Variants in PRKCE observed in about 807,000 individuals in gnomAD.
The protein encoded by PRKCE is protein kinase C epsilon.
In PRKCE, 16 loss-of-function variants were observed where a neutral mutation model predicts 85.4. The observed-to-expected ratio is 0.19, with a 90% CI of 0.13 to 0.28. PRKCE has a LOEUF of 0.28. Among genes scored for constraint, PRKCE ranks in the 10% least tolerant of loss-of-function variants. The pLI, the probability that PRKCE is intolerant of heterozygous loss-of-function variation, is 1.00. For missense variants in PRKCE, 573 were observed against 975.2 expected (o/e 0.59, Z 5.49); for synonymous variants, 388 against 371.5 (o/e 1.04, Z -0.51).
intron 1 of PRKCE, among the ~76,000 whole-genome samples, chr2:45,662,880 C>CAAGG (rs1491584542): frequency 1.4e-5 from 2 of 147,400 alleles, no homozygotes; most frequent in Non-Finnish European, 2.9e-5. Context: ...AGCAAGCAAG[C>CAAGG]AAGCAAGCAA....
chr2:46,048,626 CA>C (rs1708669976), intron 10 of PRKCE, among the ~76,000 whole-genome samples: 1 of 152,178 alleles, frequency 6.6e-6, no homozygotes. Flanking sequence ...GGCCTTTCTC[CA>C]GGGGGAGACG....
intron 11 of PRKCE, among the ~76,000 whole-genome samples, chr2:46,102,642 G>A (rs1055215199): frequency 1.3e-5 from 2 of 152,118 alleles, no homozygotes; most frequent in Middle Eastern, 6.8e-3. Context: ...GCTCTTCTTG[G>A]CTGTGACATT....
At chr2:45,865,266 A>G (rs1388671063) in intron 2 of PRKCE, among the ~76,000 whole-genome samples, 5 of 152,152 alleles carry the variant, frequency 3.3e-5, no homozygotes, top group Non-Finnish European at 7.4e-5. Context: ...TTCTCAACCT[A>G]TTTTAATCAC....
At chr2:45,723,437 G>A (rs1680790314) in intron 1 of PRKCE, among the ~76,000 whole-genome samples, 1 of 152,130 alleles carries the variant, frequency 6.6e-6, no homozygotes, top group South Asian at 2.1e-4. Flanking sequence ...TAGGCTCCTG[G>A]ACATTAGGTT....
chr2:46,108,627 T>C (rs1434189500), intron 11 of PRKCE, among the ~76,000 whole-genome samples: 2 of 152,160 alleles, frequency 1.3e-5, no homozygotes, highest in South Asian at 4.1e-4. Context: ...TGTAGCAAAA[T>C]TGCATTTCTA....
At chr2:46,009,906 G>A (rs569176053) in intron 9 of PRKCE, among the ~76,000 whole-genome samples, 3 of 152,292 alleles carry the variant, frequency 2.0e-5, no homozygotes, top group Non-Finnish European at 4.4e-5. Flanking sequence ...AAAATAGTTG[G>A]TGTACTGTAA....
intron 1 of PRKCE, among the ~76,000 whole-genome samples, chr2:45,678,089 G>T (rs535187629): frequency 6.6e-6 from 1 of 152,254 alleles, no homozygotes; most frequent in Admixed American, 6.5e-5. Flanking sequence ...ATACTTACTT[G>T]GTTTCTCTGC....
intron 1 of PRKCE, among the ~76,000 whole-genome samples, chr2:45,705,562 A>G (rs974173485): frequency 1.3e-5 from 2 of 152,244 alleles, no homozygotes; most frequent in African/African-American, 4.8e-5. Context: ...GGAGGGAGGC[A>G]TGACAAATCT....
At chr2:45,867,349 A>C (rs1207542748) in intron 2 of PRKCE, among the ~76,000 whole-genome samples, 2 of 152,236 alleles carry the variant, frequency 1.3e-5, no homozygotes, top group Non-Finnish European at 2.9e-5. Flanking sequence ...AAACTGAATA[A>C]TTTTTAAACT....
At chr2:45,681,509 A>AAT (rs1676900608) in intron 1 of PRKCE, among the ~76,000 whole-genome samples, 1 of 152,092 alleles carries the variant, frequency 6.6e-6, no homozygotes, top group South Asian at 2.1e-4. Context: ...GGCGTTTATG[A>AAT]TGCACCTAAG....
At chr2:45,993,227 C>T (rs926758765) in intron 6 of PRKCE, among the ~76,000 whole-genome samples, 4 of 152,220 alleles carry the variant, frequency 2.6e-5, no homozygotes, top group Non-Finnish European at 4.4e-5. Flanking sequence ...CCAACAGGGA[C>T]GCCCACTGTC....
chr2:45,663,251 A>G (rs1039077538), intron 1 of PRKCE, among the ~76,000 whole-genome samples: 12 of 152,260 alleles, frequency 7.9e-5, no homozygotes, highest in Non-Finnish European at 1.5e-4. Flanking sequence ...TTTTGTGGAC[A>G]TATTTTGAAA....
intron 2 of PRKCE, among the ~76,000 whole-genome samples, chr2:45,847,436 A>C (rs1006363402): frequency 3.9e-5 from 6 of 152,166 alleles, no homozygotes; most frequent in African/African-American, 1.2e-4. Context: ...AGAAATCTTA[A>C]CTCAACTTTG....
intron 10 of PRKCE, among the ~76,000 whole-genome samples, chr2:46,083,510 C>T (rs1669298278): frequency 6.6e-6 from 1 of 151,678 alleles, no homozygotes; most frequent in Non-Finnish European, 1.5e-5. Flanking sequence ...TTGCTAAAGT[C>T]CGAGTCCAGG....
intron 2 of PRKCE, among the ~76,000 whole-genome samples, chr2:45,898,582 G>A (rs1696329120): frequency 6.6e-6 from 1 of 152,200 alleles, no homozygotes; most frequent in Non-Finnish European, 1.5e-5. Flanking sequence ...ATCTGGTTAT[G>A]CTGAGGATCT....
intron 1 of PRKCE, among the ~76,000 whole-genome samples, chr2:45,798,707 T>C (rs1687623682): frequency 6.6e-6 from 1 of 152,120 alleles, no homozygotes; most frequent in Admixed American, 6.5e-5. Flanking sequence ...AAGTCTTTAT[T>C]AAATCGAGAA....
At position 46,117,274 on chromosome 2, in the gene PRKCE, A is replaced by G. The variant is rs536662050; in HGVS notation, c.1593-27819A>G. ...TTTGGGAGACTTCATTCTCAGGGCA[A>G]AAATACTGCTTTTACATTGAATACA... On this transcript the variant is annotated intron_variant, in intron 11 of 14. Transcript: ENST00000306156. Among the ~76,000 whole-genome samples the G allele has an allele frequency of 9.1e-4, 138 of 152,344 alleles. 5 individuals are homozygous for G. In the South Asian group the frequency reaches 0.025, roughly 28 times the overall value.
chr2:45,901,533 C>A (rs1696583049), intron 2 of PRKCE, among the ~76,000 whole-genome samples: 1 of 152,158 alleles, frequency 6.6e-6, no homozygotes, highest in African/African-American at 2.4e-5. Flanking sequence ...TTTAGAAGAT[C>A]AGTCTATTTC....
chr2:45,815,683 A>C (rs1001124637), intron 1 of PRKCE, among the ~76,000 whole-genome samples: 1 of 152,220 alleles, frequency 6.6e-6, no homozygotes, highest in Non-Finnish European at 1.5e-5. Flanking sequence ...TATGGATAGA[A>C]TATCCCAGCA....
Sources: gnomAD v4.1 joint callset for allele counts (sites outside exome capture counted in the v4.1 genomes callset) on GRCh38, gnomAD v4.1.1 for gene constraint, MANE v1.5 for transcripts, NCBI Gene and HGNC (gene_info 2026-07-23, HGNC 2026-07-21) for gene names.